Variants in APBB1IP observed in about 807,000 individuals in gnomAD.
The protein encoded by APBB1IP is amyloid beta precursor protein binding family B member 1 interacting protein.
Under a neutral mutation model 64.9 loss-of-function variants are expected in APBB1IP, and 27 were observed. The ratio of observed to expected loss-of-function variants is 0.42; its 90% CI spans 0.31 to 0.57. The LOEUF (loss-of-function observed/expected upper bound fraction) is 0.57, where lower values mean the gene tolerates loss of function less well. Among genes scored for constraint, APBB1IP ranks in the 20% least tolerant of loss-of-function variants. APBB1IP has a pLI of 0.20. For synonymous variants in APBB1IP, 392 were observed against 331.0 expected (o/e 1.18, Z -2.00); for missense variants, 812 against 845.5 (o/e 0.96, Z 0.49).
At chr10:26,471,118 A>G (rs998866045) in intron 2 of APBB1IP, among the ~76,000 whole-genome samples, 5 of 152,188 alleles carry the variant, frequency 3.3e-5, no homozygotes, top group Admixed American at 1.3e-4. Context: ...CTGAGAGGTT[A>G]AATAACTTGC....
rs1264191856 is a variant in APBB1IP at position 26,506,248 on chromosome 10, T to TG, written c.531+2975dup. 3.6e-3 allele frequency among the ~76,000 whole-genome samples: 111 copies of TG among 30,848 alleles called. 2 individuals carry two copies. The highest frequency in any genetic ancestry group is 0.011 in the South Asian group (5 of 472). 20.2% of individuals were successfully genotyped at this position (30,848 alleles called of 152,430 possible). The stretch of plus-strand genomic sequence containing the variant: ...TCAGTGCTTAACACTACCGTGTGTG[T>TG]GTGGGGGGGGGGGGTGGGGGGCAAG... On this transcript the variant is annotated intron_variant, in intron 6 of 14. Coordinates refer to ENST00000376236, the MANE Select transcript of APBB1IP (RefSeq NM_019043.4).
intron 13 of APBB1IP, among the ~76,000 whole-genome samples, chr10:26,561,064 CTTTTTTTT>C (rs764573338): frequency 5.8e-5 from 4 of 69,216 alleles, no homozygotes; most frequent in Non-Finnish European, 1.0e-4. Context: ...TTCTTTCTTT[CTTTTTTTT>C]TTTTTTTTTT....
At chr10:26,493,609 T>C (rs1835984674) in intron 3 of APBB1IP, among the ~76,000 whole-genome samples, 1 of 152,204 alleles carries the variant, frequency 6.6e-6, no homozygotes, top group South Asian at 2.1e-4. Flanking sequence ...ATAGTTCTGA[T>C]ATAATTGTGA....
intron 2 of APBB1IP, among the ~76,000 whole-genome samples, chr10:26,444,143 A>G (rs1413257853): frequency 6.6e-6 from 1 of 152,176 alleles, no homozygotes; most frequent in Non-Finnish European, 1.5e-5. Context: ...TTCCAAGCAC[A>G]GGGAACAGTC....
At chr10:26,539,831 G>A (rs528529387) in intron 10 of APBB1IP, among the ~76,000 whole-genome samples, 32 of 152,212 alleles carry the variant, frequency 2.1e-4, no homozygotes, top group Middle Eastern at 3.4e-3. Context: ...AAGAAGTACC[G>A]GTAACCACCG....
chr10:26,501,609 G>A (rs1023910975), intron 5 of APBB1IP: 2 of 165,188 alleles, frequency 1.2e-5, no homozygotes, highest in African/African-American at 2.4e-5. Flanking sequence ...TTACAAAGCA[G>A]GCAGATGATG....
intron 2 of APBB1IP, among the ~76,000 whole-genome samples, chr10:26,480,620 CTTT>C (rs535190399): frequency 4.4e-4 from 37 of 83,946 alleles, no homozygotes; most frequent in African/African-American, 1.5e-3. Flanking sequence ...TGAGCTGCTT[CTTT>C]TTTTTTTTTT....
At chr10:26,546,488 A>G (rs1006424672) in intron 11 of APBB1IP, among the ~76,000 whole-genome samples, 2 of 152,228 alleles carry the variant, frequency 1.3e-5, no homozygotes, top group African/African-American at 4.8e-5. Context: ...ATGTTTTGAT[A>G]TATGTAAACA....
At position 26,540,502 on chromosome 10, in the gene APBB1IP, T is replaced by TTA. The variant is rs568582201; in HGVS notation, c.1045-1066_1045-1065dup. 6.1e-3 allele frequency among the ~76,000 whole-genome samples: 924 copies of TTA among 151,064 alleles called. 4 individuals are homozygous for TTA. The highest frequency in any genetic ancestry group is 0.019 in the African/African-American group (774 of 41,324). On this transcript the variant is annotated intron_variant, in intron 10 of 14. Coordinates refer to ENST00000376236, the MANE Select transcript of APBB1IP (RefSeq NM_019043.4). Reference sequence around the variant, plus strand: ...TGGAGGAAGATGTGCATTTTATTATTTATATATATATATATTTTAAATGTG... The same window carrying TTA: ...TGGAGGAAGATGTGCATTTTATTATTTATATATATATATATATTTTAAATGTG...
chr10:26,550,417 G>A lies in APBB1IP; in HGVS notation c.1155+8725G>A, dbSNP rs931951367. Among the ~76,000 whole-genome samples, 3 of 151,638 alleles carry A rather than the reference G, an allele frequency of 2.0e-5. No homozygotes were observed. The East Asian group carries it at 5.8e-4, about 29-fold the overall frequency. On this transcript the variant is annotated intron_variant, in intron 11 of 14. Coordinates refer to ENST00000376236, the MANE Select transcript of APBB1IP (RefSeq NM_019043.4). ...TTTGCTCTTTTGATGATGTCCCATG[G>A]GTCATGTAATTTTTTCTTTATTCCT... is the stretch of plus-strand genomic sequence containing the variant.
In APBB1IP at chr10:26,500,862, G is replaced by A; in HGVS notation, c.204G>A (p.Met68Ile). 1 of 1,614,138 alleles carries A rather than the reference G, an allele frequency of 6.2e-7. No individual in the cohort carries two copies. The highest frequency in any genetic ancestry group is 8.5e-7 in the Non-Finnish European group (1 of 1,180,000). Residue 68 changes from methionine to isoleucine, a missense_variant, in exon 5 of 15, where the codon ATG becomes ATA. Physicochemically the swap from Met to Ile is conservative, Grantham distance 10 (BLOSUM62 1). Coordinates refer to ENST00000376236, the MANE Select transcript of APBB1IP (RefSeq NM_019043.4). Reference sequence around the variant, plus strand: ...AAGACCAAGATTTAGATGCTCTCATGGCAGATCTGGTAGCAGACATAAGTG... The same window carrying A: ...AAGACCAAGATTTAGATGCTCTCATAGCAGATCTGGTAGCAGACATAAGTG... ...ALEDQDLDAL[M>I]ADLVADISEA...
chr10:26,487,117 CATTGCTTCACTGTG>C (rs1003957678), intron 2 of APBB1IP, among the ~76,000 whole-genome samples: 5 of 152,040 alleles, frequency 3.3e-5, no homozygotes, highest in African/African-American at 1.2e-4. Flanking sequence ...GTTTGCAATG[CATTGCTTCACTGTG>C]ATAACTCCAC....
intron 3 of APBB1IP, among the ~76,000 whole-genome samples, chr10:26,495,446 C>T (rs1371753317): frequency 6.6e-6 from 1 of 151,060 alleles, no homozygotes; most frequent in Non-Finnish European, 1.5e-5. Flanking sequence ...TTTGCAGGAC[C>T]ACATTTAAGT....
chr10:26,506,260 G>A (rs867999642), intron 6 of APBB1IP, among the ~76,000 whole-genome samples: 1 of 135,576 alleles, frequency 7.4e-6, no homozygotes, highest in Non-Finnish European at 1.6e-5. Flanking sequence ...TGGGGGGGGG[G>A]GGTGGGGGGC....
At chr10:26,555,198 C>G (rs891917014) in intron 11 of APBB1IP, among the ~76,000 whole-genome samples, 8 of 152,306 alleles carry the variant, frequency 5.3e-5, no homozygotes, top group African/African-American at 1.9e-4. Context: ...CACTCCAGAT[C>G]CATCTTCCTC....
At chr10:26,495,652 C>G (rs1186605064) in intron 3 of APBB1IP, among the ~76,000 whole-genome samples, 1 of 147,712 alleles carries the variant, frequency 6.8e-6, no homozygotes, top group Non-Finnish European at 1.5e-5. Flanking sequence ...CCCTTTTAGT[C>G]TCTTGGACCT....
At chr10:26,467,508 A>G (rs1258692165) in intron 2 of APBB1IP, among the ~76,000 whole-genome samples, 4 of 152,226 alleles carry the variant, frequency 2.6e-5, no homozygotes, top group African/African-American at 4.8e-5. Context: ...CCTGGGCAAC[A>G]TAGTGAGACT....
At chr10:26,527,373 C>T (rs1314348431) in intron 8 of APBB1IP, among the ~76,000 whole-genome samples, 1 of 151,934 alleles carries the variant, frequency 6.6e-6, no homozygotes, top group Non-Finnish European at 1.5e-5. Context: ...ATAGTGAGAT[C>T]CCAGTTTCTG....
intron 11 of APBB1IP, among the ~76,000 whole-genome samples, chr10:26,543,282 C>T (rs1836719113): frequency 1.3e-5 from 2 of 151,968 alleles, no homozygotes. Flanking sequence ...TACTGGCCAA[C>T]ATGGTGAAAC....
Sources: allele counts gnomAD v4.1 joint callset (sites outside exome capture counted in the v4.1 genomes callset), GRCh38; gene constraint gnomAD v4.1.1; transcripts MANE v1.5; gene names NCBI Gene and HGNC (gene_info 2026-07-23, HGNC 2026-07-21).